NALF1: variants seen among roughly 807,000 people sequenced by gnomAD.
NALF1 encodes the protein NALCN channel auxiliary factor 1, also known as family with sequence similarity 155 member A.
NALF1 carries 3 observed loss-of-function variants against 48.4 expected under a neutral mutation model. The ratio of observed to expected loss-of-function variants is 0.06; its 90% confidence interval spans 0.03 to 0.16. The LOEUF (loss-of-function observed/expected upper bound fraction) is 0.16, where lower values mean the gene tolerates loss of function less well. NALF1 is among the 10% of genes least tolerant of loss of function. The pLI is 1.00. For synonymous variants in NALF1, 262 were observed against 245.7 expected, an observed-to-expected ratio of 1.07 and a Z score of -0.62; for missense variants, 526 against 571.5, an observed-to-expected ratio of 0.92 and a Z score of 0.81.
At chr13:107,430,551 T>C (rs1884360481) in intron 1 of NALF1, among the ~76,000 whole-genome samples, 1 of 152,170 alleles carries the variant, frequency 6.6e-6, no homozygotes, top group African/African-American at 2.4e-5. Context: ...CATGCGGTGG[T>C]TGGTTTTTTG....
At chr13:107,204,506 T>C (rs1879594264) in intron 2 of NALF1, among the ~76,000 whole-genome samples, 1 of 152,216 alleles carries the variant, frequency 6.6e-6, no homozygotes, top group Admixed American at 6.5e-5. Context: ...ATTCCCTACA[T>C]ACATTCTCTT....
At chr13:107,280,929 T>C (rs1046492812) in intron 1 of NALF1, among the ~76,000 whole-genome samples, 5 of 152,222 alleles carry the variant, frequency 3.3e-5, no homozygotes, top group African/African-American at 1.2e-4. Flanking sequence ...TCCCTTTGTA[T>C]TACAGTTTGG....
rs916675133 is a variant in NALF1, at chr13:107,607,357, A to C, written c.915+258325T>G. 2.0e-5 allele frequency among the ~76,000 whole-genome samples: 3 copies of C among 152,332 alleles called. No individual in the cohort carries two copies. In the South Asian group the frequency reaches 6.2e-4, roughly 32 times the overall value. ...CAACATTTAATTCACAAGCCTGAAA[A>C]ATAAACATATGGATAATGCAGAGAA... On this transcript the variant is annotated intron_variant, in intron 1 of 2. Coordinates refer to ENST00000375915, the MANE Select transcript of NALF1 (RefSeq NM_001080396.3).
At chr13:107,222,909 C>G (rs1880024356) in intron 1 of NALF1, among the ~76,000 whole-genome samples, 1 of 152,198 alleles carries the variant, frequency 6.6e-6, no homozygotes, top group African/African-American at 2.4e-5. Context: ...TGGCCTTGGT[C>G]TTAGCAACAC....
chr13:107,536,440 A>G (rs1196724204), intron 1 of NALF1, among the ~76,000 whole-genome samples: 2 of 152,232 alleles, frequency 1.3e-5, no homozygotes, highest in Non-Finnish European at 2.9e-5. Context: ...ACACTTCTCA[A>G]AAGAAGACAT....
intron 1 of NALF1, among the ~76,000 whole-genome samples, chr13:107,383,582 G>GAAAAA (rs563285537): frequency 6.9e-6 from 1 of 145,750 alleles, no homozygotes; most frequent in African/African-American, 2.5e-5. Flanking sequence ...TGCTTAAAAA[G>GAAAAA]AAAAAAAAAA....
chr13:107,390,589 AAAAC>A (rs549835737), intron 1 of NALF1, among the ~76,000 whole-genome samples: 16 of 152,212 alleles, frequency 1.1e-4, no homozygotes, highest in Non-Finnish European at 2.1e-4. Context: ...TCAAAAACAA[AAAAC>A]AAACAAACAA....
In NALF1 at chr13:107,705,511, CATATAT is replaced by C. The variant is rs10572837; in HGVS notation, c.915+160165_915+160170del. Among the ~76,000 whole-genome samples the C allele has an allele frequency of 4.9e-3, 744 of 150,490 alleles. 4 individuals are homozygous for C. The highest frequency in any genetic ancestry group is 0.017 in the African/African-American group (707 of 41,042). ...ATATGCTAAGTCTAAAGATTTTATA[CATATAT>C]ATATATATATGTATATAATAGTCCA... On this transcript the variant is annotated intron_variant, in intron 1 of 2. Transcript: ENST00000375915.
intron 1 of NALF1, among the ~76,000 whole-genome samples, chr13:107,418,037 G>T (rs878951747): frequency 6.6e-6 from 1 of 152,152 alleles, no homozygotes; most frequent in Admixed American, 6.6e-5. Flanking sequence ...CTCCAGGCTG[G>T]GGTGACAGAG....
intron 1 of NALF1, among the ~76,000 whole-genome samples, chr13:107,396,810 C>T (rs1014659042): frequency 1.3e-5 from 2 of 152,160 alleles, no homozygotes; most frequent in Non-Finnish European, 2.9e-5. Flanking sequence ...ACTCTCACAT[C>T]AGGAGCTCTG....
At chr13:107,678,784 A>C (rs773773950) in intron 1 of NALF1, among the ~76,000 whole-genome samples, 3 of 152,162 alleles carry the variant, frequency 2.0e-5, no homozygotes, top group African/African-American at 7.2e-5. Context: ...AAACCATCAG[A>C]TCTCGTGAGA....
intron 1 of NALF1, among the ~76,000 whole-genome samples, chr13:107,241,238 C>A (rs1017923283): frequency 6.6e-6 from 1 of 151,944 alleles, no homozygotes; most frequent in Non-Finnish European, 1.5e-5. Flanking sequence ...TATGCACACA[C>A]TTCCAGCATA....
intron 1 of NALF1, among the ~76,000 whole-genome samples, chr13:107,243,124 T>G (rs2138836771): frequency 6.6e-6 from 1 of 152,186 alleles, no homozygotes; most frequent in Non-Finnish European, 1.5e-5. Flanking sequence ...CCCAAATGTC[T>G]CCCCTGTCAG....
At chr13:107,832,889 C>A (rs922847068) in intron 1 of NALF1, among the ~76,000 whole-genome samples, 1 of 151,476 alleles carries the variant, frequency 6.6e-6, no homozygotes, top group Non-Finnish European at 1.5e-5. Context: ...TTCTTAAGAG[C>A]GCTCAGTAGT....
intron 1 of NALF1, among the ~76,000 whole-genome samples, chr13:107,234,405 C>A (rs572410993): frequency 6.6e-5 from 10 of 152,318 alleles, no homozygotes; most frequent in African/African-American, 2.4e-4. Context: ...ATTATCCTTT[C>A]ATGAAGGGAT....
At chr13:107,481,029 T>C (rs944352125) in intron 1 of NALF1, among the ~76,000 whole-genome samples, 30 of 152,182 alleles carry the variant, frequency 2.0e-4, no homozygotes, top group Non-Finnish European at 8.8e-5. Context: ...CAGGACTTTA[T>C]TGAACAAGAT....
At chr13:107,543,684 C>T (rs530869873) in intron 1 of NALF1, among the ~76,000 whole-genome samples, 14 of 151,774 alleles carry the variant, frequency 9.2e-5, no homozygotes, top group East Asian at 1.9e-4. Context: ...TATATATATA[C>T]GCGTATATAC....
chr13:107,765,046 C>T (rs1468577176), intron 1 of NALF1, among the ~76,000 whole-genome samples: 1 of 152,164 alleles, frequency 6.6e-6, no homozygotes, highest in African/African-American at 2.4e-5. Flanking sequence ...AGCTGCTCCT[C>T]ACCCACGGAA....
At chr13:107,329,563 C>T (rs1472199722) in intron 1 of NALF1, among the ~76,000 whole-genome samples, 1 of 151,642 alleles carries the variant, frequency 6.6e-6, no homozygotes, top group African/African-American at 2.4e-5. Flanking sequence ...AGGTTTGTTA[C>T]ATATGTATAC....
Sources: allele counts gnomAD v4.1 joint callset (sites outside exome capture counted in the v4.1 genomes callset), GRCh38; gene constraint gnomAD v4.1.1; transcripts MANE v1.5; gene names NCBI Gene and HGNC (gene_info 2026-07-23, HGNC 2026-07-21).